The following PDZRN3 variants were observed in gnomAD, a reference collection of about 807,000 sequenced individuals.
PDZRN3 encodes PDZ domain containing ring finger 3.
PDZRN3 carries 38 observed loss-of-function variants against 85.7 expected under a neutral mutation model. The ratio of observed to expected loss-of-function variants is 0.44; its 90% CI spans 0.34 to 0.58. The LOEUF (loss-of-function observed/expected upper bound fraction) is 0.58, where lower values mean the gene tolerates loss of function less well. PDZRN3 is among the 20% of genes least tolerant of loss of function. The probability of loss-of-function intolerance (pLI) is 0.01; values close to 1 mark genes in which losing one functional copy is unlikely to be tolerated. For synonymous variants in PDZRN3, 759 were observed against 638.0 expected (o/e 1.19, Z -2.86); for missense variants, 1,629 against 1,506.4 (o/e 1.08, Z -1.35).
At chr3:73,407,959 G>A (rs1559662013) in intron 3 of PDZRN3, 1 of 590,988 alleles carries the variant, frequency 1.7e-6, no homozygotes, top group Non-Finnish European at 3.0e-6. Flanking sequence ...AGGGAGAACT[G>A]GGACTTTGGG....
At chr3:73,530,248 T>C (rs867184711) in intron 3 of PDZRN3, among the ~76,000 whole-genome samples, 1 of 152,222 alleles carries the variant, frequency 6.6e-6, no homozygotes, top group Non-Finnish European at 1.5e-5. Flanking sequence ...TAGAGAGGTC[T>C]GGTTCTTTTA....
intron 3 of PDZRN3, among the ~76,000 whole-genome samples, chr3:73,441,433 A>G (rs796607498): frequency 1.3e-5 from 2 of 149,792 alleles, no homozygotes; most frequent in African/African-American, 4.9e-5. Flanking sequence ...AAAAAAAAAA[A>G]GTAAAATACA....
At chr3:73,447,071 TA>T (rs916372081) in intron 3 of PDZRN3, among the ~76,000 whole-genome samples, 2 of 147,096 alleles carry the variant, frequency 1.4e-5, no homozygotes, top group African/African-American at 4.9e-5. Context: ...AATTGCAATA[TA>T]TATATATATA....
At chr3:73,531,635 C>T (rs1160321381) in intron 3 of PDZRN3, among the ~76,000 whole-genome samples, 1 of 152,218 alleles carries the variant, frequency 6.6e-6, no homozygotes, top group Non-Finnish European at 1.5e-5. Flanking sequence ...ATCTCTCCTT[C>T]AGTCATTGGT....
At chr3:73,437,228 A>G (rs1463612580) in intron 3 of PDZRN3, among the ~76,000 whole-genome samples, 1 of 152,160 alleles carries the variant, frequency 6.6e-6, no homozygotes. Context: ...TGAAATGACT[A>G]TATTTTCCAA....
At chr3:73,616,370 C>CGT (rs1702764063) in intron 1 of PDZRN3, among the ~76,000 whole-genome samples, 1 of 152,162 alleles carries the variant, frequency 6.6e-6, no homozygotes, top group East Asian at 1.9e-4. Context: ...CACTTGCTTA[C>CGT]ATGAAGGTAG....
intron 3 of PDZRN3, among the ~76,000 whole-genome samples, chr3:73,438,580 T>C (rs912351388): frequency 2.0e-5 from 3 of 152,216 alleles, no homozygotes; most frequent in Admixed American, 6.5e-5. Context: ...CATCCCTTTG[T>C]TAGGCACCGG....
intron 3 of PDZRN3, chr3:73,569,454 G>A: frequency 2.7e-6 from 3 of 1,113,604 alleles, no homozygotes; most frequent in Non-Finnish European, 3.3e-6. Context: ...AAGCCCCGAG[G>A]CGTCTACACT....
At chr3:73,594,385 A>G (rs1213320944) in intron 3 of PDZRN3, among the ~76,000 whole-genome samples, 2 of 152,212 alleles carry the variant, frequency 1.3e-5, no homozygotes, top group Non-Finnish European at 2.9e-5. Flanking sequence ...GTTAACTTCT[A>G]TATTTGGCTT....
chr3:73,437,691 C>T (rs1702557103), intron 3 of PDZRN3, among the ~76,000 whole-genome samples: 1 of 152,124 alleles, frequency 6.6e-6, no homozygotes, highest in African/African-American at 2.4e-5. Flanking sequence ...ACCCATTATG[C>T]CTAAAACAAG....
chr3:73,424,751 G>T lies in PDZRN3; in HGVS notation c.919-20356C>A, dbSNP rs1702277803. ...GAGCAGGCACTTTACACACAAGGAA[G>T]AAACTAAAAAATGGCCAATATACAT... On this transcript the variant is annotated intron_variant, in intron 3 of 9. Transcript: ENST00000263666. Among the ~76,000 whole-genome samples the T allele has an allele frequency of 4.0e-5, 6 of 151,898 alleles. No individual in the cohort carries two copies. The South Asian group carries it at 1.2e-3, about 31-fold the overall frequency.
chr3:73,401,618 G>A (rs114195950), intron 4 of PDZRN3, among the ~76,000 whole-genome samples: 293 of 152,300 alleles, frequency 1.9e-3, no homozygotes, highest in African/African-American at 6.7e-3. Flanking sequence ...TACATATAAT[G>A]AGTACACACA....
intron 3 of PDZRN3, among the ~76,000 whole-genome samples, chr3:73,526,992 G>A (rs550475396): frequency 6.6e-6 from 1 of 152,288 alleles, no homozygotes; most frequent in East Asian, 1.9e-4. Flanking sequence ...GGGATTACAG[G>A]TGCTCATCAC....
At chr3:73,407,820 G>C (rs563802683) in intron 3 of PDZRN3, among the ~76,000 whole-genome samples, 1 of 152,262 alleles carries the variant, frequency 6.6e-6, no homozygotes, top group East Asian at 1.9e-4. Flanking sequence ...TCTGTGTTGA[G>C]GCATACTCAA....
At chr3:73,387,514 C>T (rs11928442) in intron 8 of PDZRN3, among the ~76,000 whole-genome samples, 6,219 of 152,284 alleles carry the variant, frequency 0.041, 432 homozygotes, top group African/African-American at 0.14. Context: ...CACGGAGGGC[C>T]TAGCACTTAT....
chr3:73,390,908 G>A, intron 6 of PDZRN3, 110 bp downstream of exon 6: 1 of 703,418 alleles, frequency 1.4e-6, no homozygotes, highest in Non-Finnish European at 2.5e-6. Flanking sequence ...AGAATAATTT[G>A]TGTCTTTCCA....
chr3:73,416,714 A>G (rs1389268485), intron 3 of PDZRN3, among the ~76,000 whole-genome samples: 2 of 152,142 alleles, frequency 1.3e-5, no homozygotes, highest in African/African-American at 4.8e-5. Flanking sequence ...GCAAAAAGGG[A>G]TGCATATTCC....
intron 3 of PDZRN3, among the ~76,000 whole-genome samples, chr3:73,502,826 C>T (rs1471393138): frequency 6.6e-6 from 1 of 152,142 alleles, no homozygotes; most frequent in African/African-American, 2.4e-5. Context: ...AGACTGCAGC[C>T]CTCCTCTCTC....
chr3:73,549,514 T>C (rs1210429147), intron 3 of PDZRN3, among the ~76,000 whole-genome samples: 1 of 152,090 alleles, frequency 6.6e-6, no homozygotes, highest in Admixed American at 6.5e-5. Context: ...TGAGGACAAA[T>C]GGACGATGAT....
Sources: allele counts gnomAD v4.1 joint callset (sites outside exome capture counted in the v4.1 genomes callset), GRCh38; gene constraint gnomAD v4.1.1; transcripts MANE v1.5; gene names NCBI Gene and HGNC (gene_info 2026-07-23, HGNC 2026-07-21).